KHDC4: variants seen among roughly 807,000 people sequenced by gnomAD.
KHDC4 encodes KH domain containing 4, pre-mRNA splicing factor, also known as KH homology domain-containing protein 4.
Under a neutral mutation model 74.5 loss-of-function variants are expected in KHDC4, and 19 were observed. That is an observed-to-expected ratio of 0.26 (90% CI 0.18 to 0.37). The LOEUF (loss-of-function observed/expected upper bound fraction) is 0.37, where lower values mean the gene tolerates loss of function less well. KHDC4 is among the 10% of genes least tolerant of loss of function. The pLI is 1.00. For missense variants in KHDC4, 632 were observed against 754.1 expected, an observed-to-expected ratio of 0.84 and a Z score of 1.90; for synonymous variants, 253 against 266.1, an observed-to-expected ratio of 0.95 and a Z score of 0.48.
intron 11 of KHDC4, among the ~76,000 whole-genome samples, chr1:155,917,188 G>T (rs1237228969): frequency 6.6e-6 from 1 of 152,110 alleles, no homozygotes; most frequent in African/African-American, 2.4e-5. Flanking sequence ...GTCTTGAGGG[G>T]TGGGGAGACT....
At position 155,929,319 on chromosome 1, in the gene KHDC4, C is replaced by G. The variant is rs756487614; in HGVS notation, c.441G>C (p.Glu147Asp). 1 of 1,613,908 alleles carries G rather than the reference C, an allele frequency of 6.2e-7. No individual in the cohort carries two copies. Among genetic ancestry groups the G allele is most frequent in the Non-Finnish European group, 8.5e-7 (1 of 1,179,876 alleles). Residue 147 changes from glutamate to aspartate, a missense_variant, in exon 4 of 14, where the codon GAG (glutamate) becomes GAC (aspartate). Transcript: ENST00000368321. ...VSTRGRFMTTEEKAKVGPGDR... is the reference protein window; with the variant it reads ...VSTRGRFMTTDEKAKVGPGDR... ...ACCCTGGTCCCACTTTGGCTTTTTCCTCAGTTGTCATGAACCTCCCTCGAG... is the reference window on the plus strand; with the variant it reads ...ACCCTGGTCCCACTTTGGCTTTTTCGTCAGTTGTCATGAACCTCCCTCGAG...
At chr1:155,929,892 A>AT (rs759016844) in intron 2 of KHDC4, 52 bp from the exon 3 acceptor site, 10 of 1,233,584 alleles carry the variant, frequency 8.1e-6, no homozygotes, top group East Asian at 3.0e-5. Context: ...GATAAAGTCT[A>AT]TTTTTTTATT....
intron 10 of KHDC4, chr1:155,921,150 C>T: frequency 1.9e-6 from 1 of 540,428 alleles, no homozygotes; most frequent in Non-Finnish European, 3.3e-6. Context: ...CCACTTTAAA[C>T]AGCTATTTGG....
intron 10 of KHDC4, among the ~76,000 whole-genome samples, chr1:155,919,617 T>C (rs1673810191): frequency 6.6e-6 from 1 of 152,018 alleles, no homozygotes; most frequent in Non-Finnish European, 1.5e-5. Context: ...AAGACCATCC[T>C]GGCTAACAAG....
At chr1:155,916,509 A>G (rs1673733571) in intron 12 of KHDC4, 116 bp downstream of exon 12, 2 of 721,100 alleles carry the variant, frequency 2.8e-6, no homozygotes, top group Non-Finnish European at 4.6e-6. Flanking sequence ...AGCATATTTG[A>G]TTCAAAGATT....
chr1:155,923,774 T>C, intron 7 of KHDC4, 87 bp from the exon 8 acceptor site: 2 of 975,918 alleles, frequency 2.0e-6, no homozygotes, highest in South Asian at 2.7e-5. Flanking sequence ...CTATTTTACA[T>C]ATCTACATTA....
chr1:155,927,675 C>T lies in KHDC4; in HGVS notation c.465-519G>A, dbSNP rs182982111. 2.6e-5 allele frequency among the ~76,000 whole-genome samples: 4 copies of T among 151,650 alleles called. 1 individual carries two copies. The highest frequency in any genetic ancestry group is 2.0e-4 in the Admixed American group (3 of 15,196). ...CAAAAATTAGCCGGGCATGGTGGCACGCCTGTAGTCCCAGCTACTCAGGAG... is the reference window on the plus strand; with the variant it reads ...CAAAAATTAGCCGGGCATGGTGGCATGCCTGTAGTCCCAGCTACTCAGGAG... On this transcript the variant is annotated intron_variant, in intron 4 of 13. Coordinates refer to ENST00000368321, the MANE Select transcript of KHDC4 (RefSeq NM_014949.4).
In KHDC4 at chr1:155,926,764, T is replaced by C. The variant is rs1674010267; in HGVS notation, c.593A>G (p.Asn198Ser). 6.2e-7 allele frequency: 1 copy of C among 1,614,200 alleles called. No individual in the cohort carries two copies. The highest frequency in any genetic ancestry group is 8.5e-7 in the Non-Finnish European group (1 of 1,180,026). Residue 198 changes from asparagine to serine, a missense_variant, in exon 6 of 14, where the codon AAT (asparagine) becomes AGT (serine). By Grantham distance (46) the Asn-to-Ser change is conservative. Around this residue, in one of 4 missense-constraint regions of KHDC4, gnomAD observed 233 missense variants for 342.6 expected, o/e 0.68. Coordinates refer to ENST00000368321, the MANE Select transcript of KHDC4 (RefSeq NM_014949.4). Reference protein sequence around the residue: ...KAATGTSPTFNGATVTVYHQP... With the variant: ...KAATGTSPTFSGATVTVYHQP... Reference sequence around the variant, plus strand: ...GTGATAGACAGTTACTGTTGCACCATTAAAAGTTGGACTTGTTCCTGTGGC... The same window carrying C: ...GTGATAGACAGTTACTGTTGCACCACTAAAAGTTGGACTTGTTCCTGTGGC...
intron 6 of KHDC4, chr1:155,926,325 CTTTTTTTTTT>C (rs34342755): frequency 5.7e-6 from 1 of 174,960 alleles, no homozygotes; most frequent in Non-Finnish European, 1.0e-5. Flanking sequence ...TTACTTGGCA[CTTTTTTTTTT>C]TTTTTTTTTT....
intron 12 of KHDC4, 61 bp downstream of exon 12, chr1:155,916,564 C>A: frequency 1.8e-6 from 2 of 1,085,732 alleles, no homozygotes; most frequent in Non-Finnish European, 2.8e-6. Context: ...ATGATCATTA[C>A]TCTCACTAAT....
chr1:155,928,684 G>C (rs953848197), intron 4 of KHDC4, among the ~76,000 whole-genome samples: 6 of 151,588 alleles, frequency 4.0e-5, no homozygotes, highest in Non-Finnish European at 7.4e-5. Flanking sequence ...CGGGCGTGGT[G>C]GCTCACGCCT....
chr1:155,923,844 ATAAGT>A (rs1673921569), intron 7 of KHDC4, among the ~76,000 whole-genome samples, 157 bp from the exon 8 acceptor site: 1 of 152,234 alleles, frequency 6.6e-6, no homozygotes, highest in Non-Finnish European at 1.5e-5. Context: ...AACACAAAAC[ATAAGT>A]CTTTTAAGAT....
At position 155,925,802 on chromosome 1, in the gene KHDC4, A is replaced by G; in HGVS notation, c.723T>C (p.His241=). The change falls in exon 7 of 14, where the codon CAT becomes CAC. Residue 241 remains histidine, a synonymous_variant. Coordinates refer to ENST00000368321, the MANE Select transcript of KHDC4 (RefSeq NM_014949.4). ...CCTTGACATTAAAAGTGGGTACAGC[A>G]TGTTCTAGACCCACAAATAATTTAT... is the stretch of plus-strand genomic sequence containing the variant. ...VQDKLFVGLE[H]AVPTFNVKEK... is the part of the protein sequence containing the mutation. 6.2e-7 allele frequency: 1 copy of G among 1,614,168 alleles called. No individual in the cohort carries two copies. The highest frequency in any genetic ancestry group is 8.5e-7 in the Non-Finnish European group (1 of 1,179,982).
Position 155,933,846 on chromosome 1 carries a change from G to C in KHDC4, c.42C>G (p.Arg14=), listed in dbSNP as rs1451448921. 5 of 1,538,608 alleles carry C rather than the reference G, an allele frequency of 3.2e-6. No individual in the cohort carries two copies. The South Asian group carries it at 6.0e-5, about 18-fold the overall frequency. ...GAGCTGGTTGGTCCCATTTGCTGCGGCGCCTACATGGAGAAAAAGGAAAAC... is the reference window on the plus strand; with the variant it reads ...GAGCTGGTTGGTCCCATTTGCTGCGCCGCCTACATGGAGAAAAAGGAAAAC... ...GSATHPGAGG[R]RSKWDQPAPA... is the part of the protein sequence containing the mutation. Residue 14 remains arginine (R), a synonymous_variant, in exon 2 of 14, where the codon CGC becomes CGG. Coordinates refer to ENST00000368321, the MANE Select transcript of KHDC4 (RefSeq NM_014949.4).
chr1:155,923,225 T>C (rs1264087344), intron 8 of KHDC4, among the ~76,000 whole-genome samples: 1 of 152,090 alleles, frequency 6.6e-6, no homozygotes, highest in Non-Finnish European at 1.5e-5. Flanking sequence ...GTTTAACTTT[T>C]GGTTGTTTAT....
In KHDC4 at chr1:155,916,697, G is replaced by A; in HGVS notation, c.1481C>T (p.Ser494Phe). ...IHMTNLGTGF[S>F]SQNEIEGAGS... ...TGCACCTTCAATCTCATTCTGACTG[G>A]AGAAGCCTGTACCTAAATTAGTCAT... Residue 494 changes from serine (S) to phenylalanine (F), a missense_variant, in exon 12 of 14, where the codon TCC becomes TTC. This residue lies in a region of KHDC4 where 254 missense variants were observed against 267.4 expected (regional missense o/e 0.95). Transcript: ENST00000368321. 1 of 1,613,922 alleles carries A rather than the reference G, an allele frequency of 6.2e-7. No homozygotes were observed. Among genetic ancestry groups the A allele is most frequent in the Non-Finnish European group, 8.5e-7 (1 of 1,179,978 alleles).
Position 155,914,115 on chromosome 1 carries a change from T to G in KHDC4, c.*6A>C, listed in dbSNP as rs746605738. 6.2e-7 allele frequency: 1 copy of G among 1,611,738 alleles called. No individual in the cohort carries two copies. The highest frequency in any genetic ancestry group is 1.3e-5 in the African/African-American group (1 of 74,892). ...ACTGAGGGTCAAAACTCTGTTCCAC[T>G]GTTTCCTAGGGAGCCATCCAGAATG... On this transcript the variant is annotated 3_prime_UTR_variant, in exon 14 of 14. Coordinates refer to ENST00000368321, the MANE Select transcript of KHDC4 (RefSeq NM_014949.4).
rs765055921 is a variant in KHDC4, at chr1:155,916,586, A to AT, written c.1553+38dup. On this transcript the variant is annotated intron_variant, in intron 12 of 13. Transcript: ENST00000368321. ...TTACTCTCACTAATGGTGCAAACAA[A>AT]TAACATCTGAATACATTTGCATAAT... 8.1e-5 allele frequency: 111 copies of AT among 1,373,950 alleles called. 1 individual carries two copies. The highest frequency in any genetic ancestry group is 1.0e-4 in the Non-Finnish European group (101 of 971,786). 85.1% of individuals were successfully genotyped at this position (1,373,950 alleles called of 1,614,324 possible).
At chr1:155,920,183 T>C (rs568549197) in intron 10 of KHDC4, 84 of 252,024 alleles carry the variant, frequency 3.3e-4, no homozygotes, top group African/African-American at 1.8e-3. Context: ...CTCACACCTG[T>C]AATCCCAGGA....
Sources: allele counts gnomAD v4.1 joint callset (sites outside exome capture counted in the v4.1 genomes callset), GRCh38; gene constraint gnomAD v4.1.1; regional missense constraint gnomAD v4.1.1; transcripts MANE v1.5; gene names NCBI Gene and HGNC (gene_info 2026-07-23, HGNC 2026-07-21).